Variants in GRID2 observed in about 807,000 individuals in gnomAD.
GRID2 encodes glutamate ionotropic receptor delta type subunit 2.
Under a neutral mutation model 114.8 loss-of-function variants are expected in GRID2, and 33 were observed. The observed-to-expected ratio is 0.29, with a 90% CI of 0.22 to 0.38. The LOEUF is 0.38. GRID2 is among the 10% of genes least tolerant of loss of function. GRID2 has a pLI of 1.00. For synonymous variants in GRID2, 505 were observed against 449.9 expected (o/e 1.12, Z -1.55); for missense variants, 1,184 against 1,257.7 (o/e 0.94, Z 0.89).
chr4:92,909,569 A>C (rs77865112), intron 2 of GRID2, among the ~76,000 whole-genome samples: 2,662 of 152,232 alleles, frequency 0.017, 29 homozygotes, highest in East Asian at 0.053. Context: ...ACATTCTAGG[A>C]AACTCCTCAG....
chr4:92,755,781 G>A (rs1388249993), intron 2 of GRID2, among the ~76,000 whole-genome samples: 2 of 152,106 alleles, frequency 1.3e-5, no homozygotes, highest in African/African-American at 4.8e-5. Context: ...TATTCTGAGT[G>A]TATATCATTG....
chr4:92,918,057 G>C (rs1010173834), intron 2 of GRID2, among the ~76,000 whole-genome samples: 1 of 152,072 alleles, frequency 6.6e-6, no homozygotes, highest in Non-Finnish European at 1.5e-5. Context: ...TCCTTGAAGA[G>C]GTCCTTCACA....
At chr4:92,603,254 CA>C (rs1361722653) in intron 2 of GRID2, among the ~76,000 whole-genome samples, 3 of 152,032 alleles carry the variant, frequency 2.0e-5, no homozygotes, top group African/African-American at 7.2e-5. Context: ...CAATCCTAAG[CA>C]AAAAGAACAA....
intron 8 of GRID2, 95 bp downstream of exon 8, chr4:93,238,585 C>T: frequency 2.1e-6 from 2 of 953,428 alleles, no homozygotes; most frequent in Non-Finnish European, 3.1e-6. Flanking sequence ...CCATTAAAGT[C>T]AATATTGTAG....
intron 2 of GRID2, among the ~76,000 whole-genome samples, chr4:92,628,403 G>T (rs1261003270): frequency 6.6e-6 from 1 of 151,510 alleles, no homozygotes; most frequent in Non-Finnish European, 1.5e-5. Context: ...ACTGAGTCTG[G>T]ACTGGAGTGC....
chr4:93,099,998 T>G (rs1332924362), intron 3 of GRID2, among the ~76,000 whole-genome samples: 1 of 151,992 alleles, frequency 6.6e-6, no homozygotes, highest in African/African-American at 2.4e-5. Flanking sequence ...GTCTTAAAGC[T>G]GTTTATTGCT....
chr4:93,212,356 T>C (rs1743631316), intron 5 of GRID2, among the ~76,000 whole-genome samples: 1 of 152,194 alleles, frequency 6.6e-6, no homozygotes, highest in Non-Finnish European at 1.5e-5. Context: ...TTTTTTCATT[T>C]GCATTAAGTG....
intron 11 of GRID2, among the ~76,000 whole-genome samples, chr4:93,488,929 G>T (rs1245690004): frequency 2.0e-5 from 3 of 151,846 alleles, no homozygotes; most frequent in East Asian, 1.9e-4. Flanking sequence ...CTTAGTTAAA[G>T]GTCCTATCTC....
intron 5 of GRID2, 113 bp from the exon 6 acceptor site, chr4:93,216,625 C>G (rs1330546040): frequency 1.4e-6 from 1 of 711,292 alleles, no homozygotes; most frequent in African/African-American, 1.8e-5. Flanking sequence ...AGCATTAAAA[C>G]CAATATATTA....
intron 1 of GRID2, among the ~76,000 whole-genome samples, chr4:93,783,038 T>G (rs895131192): frequency 6.6e-6 from 1 of 152,214 alleles, no homozygotes. Context: ...GTTTCTGGAC[T>G]GCAATTAATA....
At chr4:93,411,270 T>C (rs1767102948) in intron 9 of GRID2, among the ~76,000 whole-genome samples, 1 of 152,062 alleles carries the variant, frequency 6.6e-6, no homozygotes, top group Admixed American at 6.6e-5. Flanking sequence ...ACACAAAAAG[T>C]TTTTAAAGTA....
chr4:92,412,515 T>C (rs1421270928), intron 1 of GRID2, among the ~76,000 whole-genome samples: 1 of 152,180 alleles, frequency 6.6e-6, no homozygotes, highest in African/African-American at 2.4e-5. Flanking sequence ...TATTTTTCCC[T>C]CTTCTTTAAC....
chr4:93,424,213 A>C (rs897853590), intron 10 of GRID2, among the ~76,000 whole-genome samples: 25 of 151,704 alleles, frequency 1.6e-4, no homozygotes, highest in African/African-American at 6.1e-4. Flanking sequence ...TTAAAGGTAC[A>C]GAAAGAAAAA....
chr4:92,337,972 G>A (rs1228549858), intron 1 of GRID2, among the ~76,000 whole-genome samples: 1 of 152,144 alleles, frequency 6.6e-6, no homozygotes, highest in Non-Finnish European at 1.5e-5. Context: ...GTGTGTCTGT[G>A]TATAAGTGCA....
intron 3 of GRID2, among the ~76,000 whole-genome samples, chr4:93,093,070 C>T (rs1011391612): frequency 6.6e-6 from 1 of 152,024 alleles, no homozygotes; most frequent in African/African-American, 2.4e-5. Context: ...ACTTCTGCAT[C>T]TCACGGCCCT....
At chr4:93,456,777 A>G (rs989479743) in intron 11 of GRID2, among the ~76,000 whole-genome samples, 3 of 152,198 alleles carry the variant, frequency 2.0e-5, no homozygotes, top group African/African-American at 4.8e-5. Flanking sequence ...ACAACTCTCA[A>G]TAACATCTTT....
chr4:93,204,151 C>T (rs1742411852), intron 4 of GRID2: 2 of 152,132 alleles, frequency 1.3e-5, no homozygotes, highest in African/African-American at 4.8e-5. Context: ...TATCCACTCA[C>T]TTGTTTGTAG....
chr4:92,518,933 ACAT>A (rs1724640012), intron 1 of GRID2, among the ~76,000 whole-genome samples: 1 of 151,862 alleles, frequency 6.6e-6, no homozygotes, highest in African/African-American at 2.4e-5. Context: ...TTGGGATAAA[ACAT>A]CACATTTACT....
At chr4:92,571,945 T>C (rs887645349) in intron 1 of GRID2, among the ~76,000 whole-genome samples, 3 of 152,036 alleles carry the variant, frequency 2.0e-5, no homozygotes, top group African/African-American at 7.3e-5. Context: ...AGATCTAAAA[T>C]TGACACCCTA....
Sources: allele counts gnomAD v4.1 joint callset (sites outside exome capture counted in the v4.1 genomes callset), GRCh38; gene constraint gnomAD v4.1.1; transcripts MANE v1.5; gene names NCBI Gene and HGNC (gene_info 2026-07-23, HGNC 2026-07-21).